The following KLHL2 variants were observed in gnomAD, a reference collection of about 807,000 sequenced individuals.
KLHL2 encodes kelch like family member 2.
Under a neutral mutation model 75.8 loss-of-function variants are expected in KLHL2, and 15 were observed. The ratio of observed to expected loss-of-function variants is 0.20; its 90% CI spans 0.13 to 0.30. The LOEUF (loss-of-function observed/expected upper bound fraction) is 0.30. Among genes scored for constraint, KLHL2 ranks in the 10% least tolerant of loss-of-function variants. The probability of loss-of-function intolerance (pLI) is 1.00; values close to 1 mark genes in which losing one functional copy is unlikely to be tolerated. For missense variants in KLHL2, 381 were observed against 741.0 expected (o/e 0.51, Z 5.64); for synonymous variants, 214 against 251.9 (o/e 0.85, Z 1.42).
intron 4 of KLHL2, among the ~76,000 whole-genome samples, chr4:165,254,209 A>G (rs1740972600): frequency 6.6e-6 from 1 of 152,240 alleles, no homozygotes; most frequent in East Asian, 1.9e-4. Context: ...CTGTGTGCCA[A>G]GTCCATTTAA....
intron 5 of KLHL2, among the ~76,000 whole-genome samples, chr4:165,275,707 C>T (rs1483614404): frequency 6.6e-6 from 1 of 152,118 alleles, no homozygotes; most frequent in Non-Finnish European, 1.5e-5. Context: ...TTCCCAGAGT[C>T]GGGATTACAG....
intron 5 of KLHL2, among the ~76,000 whole-genome samples, chr4:165,287,823 G>A (rs1424401283): frequency 6.6e-6 from 1 of 152,112 alleles, no homozygotes; most frequent in Non-Finnish European, 1.5e-5. Context: ...TTGGAGAAAC[G>A]TTTATTCCAG....
At chr4:165,278,521 G>A (rs751940972) in intron 5 of KLHL2, 76 of 1,607,808 alleles carry the variant, frequency 4.7e-5, no homozygotes, top group Non-Finnish European at 5.7e-5. Flanking sequence ...TCCCTCTTGC[G>A]CTGGGCTCCC....
At chr4:165,223,884 G>C (rs1021967042) in intron 2 of KLHL2, 5 of 431,274 alleles carry the variant, frequency 1.2e-5, no homozygotes, top group African/African-American at 8.2e-5. Context: ...CTATAGAGGG[G>C]ACAGAGAAGC....
At chr4:165,232,302 C>T (rs1738958070) in intron 3 of KLHL2, among the ~76,000 whole-genome samples, 2 of 151,882 alleles carry the variant, frequency 1.3e-5, no homozygotes, top group South Asian at 4.2e-4. Context: ...TGGCGGGCAC[C>T]TGTAGTCCCA....
At chr4:165,263,802 A>ATTTTTTTTTT (rs1313576886) in intron 5 of KLHL2, among the ~76,000 whole-genome samples, 1 of 93,532 alleles carries the variant, frequency 1.1e-5, no homozygotes, top group African/African-American at 3.5e-5. Context: ...GATTTTTTAC[A>ATTTTTTTTTT]TTGTTTTTTT....
intron 2 of KLHL2, among the ~76,000 whole-genome samples, chr4:165,221,215 A>C (rs1173369775): frequency 2.6e-5 from 4 of 152,252 alleles, no homozygotes; most frequent in Non-Finnish European, 5.9e-5. Context: ...TGACTGCAGG[A>C]AGCAGGCATT....
At chr4:165,254,308 T>G (rs1430865735) in intron 4 of KLHL2, among the ~76,000 whole-genome samples, 1 of 152,246 alleles carries the variant, frequency 6.6e-6, no homozygotes, top group Non-Finnish European at 1.5e-5. Flanking sequence ...TTACTGATTA[T>G]AACATTTCAT....
chr4:165,295,289 C>T (rs1202635752), intron 6 of KLHL2, among the ~76,000 whole-genome samples: 2 of 152,120 alleles, frequency 1.3e-5, no homozygotes, highest in Non-Finnish European at 2.9e-5. Context: ...TTCTGATTCT[C>T]TTTCTCAAGG....
At chr4:165,232,608 C>T (rs1377732410) in intron 3 of KLHL2, among the ~76,000 whole-genome samples, 1 of 151,694 alleles carries the variant, frequency 6.6e-6, no homozygotes, top group Non-Finnish European at 1.5e-5. Context: ...GTCACACGTG[C>T]CTGTATAGTC....
chr4:165,213,445 C>T (rs1305261323), intron 1 of KLHL2, among the ~76,000 whole-genome samples: 1 of 152,210 alleles, frequency 6.6e-6, no homozygotes, highest in African/African-American at 2.4e-5. Flanking sequence ...ATTCTCCAGC[C>T]TTTTCCTATG....
chr4:165,296,103 G>A (rs1744886876), intron 6 of KLHL2, among the ~76,000 whole-genome samples: 1 of 152,222 alleles, frequency 6.6e-6, no homozygotes, highest in Admixed American at 6.5e-5. Context: ...CTGCTCCACA[G>A]TGTCTGAGAC....
chr4:165,272,858 A>G (rs1345471582), intron 5 of KLHL2, among the ~76,000 whole-genome samples: 2 of 152,194 alleles, frequency 1.3e-5, no homozygotes, highest in Admixed American at 1.3e-4. Context: ...CCTCCTTTGT[A>G]ATTATGCCAA....
intron 4 of KLHL2, among the ~76,000 whole-genome samples, chr4:165,259,813 A>G (rs1055366484): frequency 4.4e-4 from 67 of 152,300 alleles, no homozygotes; most frequent in African/African-American, 1.6e-3. Context: ...GAGCTGACCA[A>G]TTTGATTATA....
At chr4:165,261,447 G>A (rs2322024) in intron 4 of KLHL2, among the ~76,000 whole-genome samples, 8 of 152,038 alleles carry the variant, frequency 5.3e-5, no homozygotes, top group African/African-American at 1.9e-4. Flanking sequence ...TTCAAGTGAT[G>A]CTCCTTCCTC....
At chr4:165,259,006 A>G (rs1741430267) in intron 4 of KLHL2, among the ~76,000 whole-genome samples, 1 of 152,350 alleles carries the variant, frequency 6.6e-6, no homozygotes, top group South Asian at 2.1e-4. Context: ...ATTTTTGCTT[A>G]AATAAGTTTA....
At chr4:165,216,317 A>T (rs1737539638) in intron 1 of KLHL2, among the ~76,000 whole-genome samples, 1 of 152,236 alleles carries the variant, frequency 6.6e-6, no homozygotes, top group Admixed American at 6.5e-5. Flanking sequence ...ATGATAAAAC[A>T]TAGCAGTACA....
intron 4 of KLHL2, among the ~76,000 whole-genome samples, chr4:165,257,805 C>G (rs1328627186): frequency 6.6e-6 from 1 of 151,894 alleles, no homozygotes; most frequent in Non-Finnish European, 1.5e-5. Flanking sequence ...GGGTAACAGA[C>G]GTGATCCTAC....
At position 165,264,741 on chromosome 4, in the gene KLHL2, T is replaced by TATATATAC. The variant is rs1742080274; in HGVS notation, c.544+1389_544+1390insCATATATA. On this transcript the variant is annotated intron_variant, in intron 5 of 14. Coordinates refer to ENST00000226725, the MANE Select transcript of KLHL2 (RefSeq NM_007246.4). Reference sequence around the variant, plus strand: ...ATATACATATATATATATATATATGTATATATATATATATATATATATATA... The same window carrying TATATATAC: ...ATATACATATATATATATATATATGTATATATACATATATATATATATATATATATATA... Among the ~76,000 whole-genome samples the TATATATAC allele has an allele frequency of 6.0e-5, 2 of 33,580 alleles. 1 individual carries two copies. Among genetic ancestry groups the TATATATAC allele is most frequent in the Non-Finnish European group, 1.5e-4 (2 of 13,082 alleles). 22.0% of individuals were successfully genotyped at this position (33,580 alleles called of 152,430 possible).
Sources: allele counts gnomAD v4.1 joint callset (sites outside exome capture counted in the v4.1 genomes callset), GRCh38; gene constraint gnomAD v4.1.1; transcripts MANE v1.5; gene names NCBI Gene and HGNC (gene_info 2026-07-23, HGNC 2026-07-21).